Variants in SH3BP2 observed in about 807,000 individuals in gnomAD.
SH3BP2 encodes SH3 domain binding protein 2, also known as SH3 domain-binding protein 2.
Under a neutral mutation model 56.2 loss-of-function variants are expected in SH3BP2, and 38 were observed. That is an observed-to-expected ratio of 0.68 (90% CI 0.52 to 0.89). SH3BP2 has a LOEUF of 0.89. Ranked by LOEUF, SH3BP2 falls within the 40% of genes least tolerant of loss-of-function variation. SH3BP2 has a pLI of 0.00. For missense variants in SH3BP2, 748 were observed against 762.6 expected (o/e 0.98, Z 0.23); for synonymous variants, 346 against 316.7 (o/e 1.09, Z -0.98).
chr4:2,814,200 G>A (rs1233100253), intron 1 of SH3BP2, among the ~76,000 whole-genome samples: 1 of 152,248 alleles, frequency 6.6e-6, no homozygotes, highest in Admixed American at 6.5e-5. Context: ...GACATTAACT[G>A]GGTGTGCAGA....
At chr4:2,818,499 C>T (rs1170541001) in intron 1 of SH3BP2, 20 of 608,874 alleles carry the variant, frequency 3.3e-5, no homozygotes, top group Non-Finnish European at 2.1e-6. Context: ...CCGGGCGCTG[C>T]TGGTCGCCCA....
intron 5 of SH3BP2, among the ~76,000 whole-genome samples, chr4:2,825,640 CCTGT>C (rs1724575313): frequency 6.6e-6 from 1 of 152,242 alleles, no homozygotes; most frequent in Non-Finnish European, 1.5e-5. Context: ...TCTCTCTGCT[CCTGT>C]CTACCTCCAG....
rs898121113 is a variant in SH3BP2 at position 2,839,304 on chromosome 4, G to T, written c.*5470G>T. 1 of 151,194 alleles carries T rather than the reference G, an allele frequency of 6.6e-6. No individual in the cohort carries two copies. Among genetic ancestry groups the T allele is most frequent in the Non-Finnish European group, 1.5e-5 (1 of 67,860 alleles). 9.4% of individuals were successfully genotyped at this position (151,194 alleles called of 1,614,324 possible). A position where few individuals can be genotyped will look rare whatever the true frequency, so the allele number is the denominator to read the frequency against. ...TCACCTCAGCCTCCCAAGTAGCTGG[G>T]ACCACAGGCCCACACCACCAAGCCC... On this transcript the variant is annotated 3_prime_UTR_variant, in exon 13 of 13. Coordinates refer to ENST00000503393, the MANE Select transcript of SH3BP2 (RefSeq NM_001122681.2).
intron 5 of SH3BP2, chr4:2,826,703 TGTGC>T (rs1307588095): frequency 2.8e-6 from 1 of 359,142 alleles, no homozygotes; most frequent in Non-Finnish European, 5.5e-6. Flanking sequence ...TCTGTGTGTG[TGTGC>T]ATGTCCGCAT....
At chr4:2,797,495 G>C (rs556402018) in intron 1 of SH3BP2, among the ~76,000 whole-genome samples, 8 of 152,332 alleles carry the variant, frequency 5.3e-5, no homozygotes, top group Admixed American at 6.5e-5. Context: ...GCTGGCAGGT[G>C]CCCATGGGTA....
chr4:2,824,339 G>C (rs1006338534), intron 3 of SH3BP2, among the ~76,000 whole-genome samples: 10 of 152,164 alleles, frequency 6.6e-5, no homozygotes, highest in Non-Finnish European at 1.5e-4. Context: ...AAGTGGCATT[G>C]GCGGGCATCG....
chr4:2,833,973 T>C lies in SH3BP2; in HGVS notation c.*139T>C, dbSNP rs1725142855. ...TAGGGCCTCTGTGATGGACATCTCG[T>C]AGGACCCAGCCAGTCTCATCCAGCA... On this transcript the variant is annotated 3_prime_UTR_variant, in exon 13 of 13. Transcript: ENST00000503393. 1.9e-6 allele frequency: 2 copies of C among 1,043,106 alleles called. No homozygotes were observed. Among genetic ancestry groups the C allele is most frequent in the East Asian group, 5.2e-5 (2 of 38,188 alleles). 64.6% of individuals were successfully genotyped at this position (1,043,106 alleles called of 1,614,324 possible).
At chr4:2,830,804 A>C (rs1471401256) in intron 8 of SH3BP2, among the ~76,000 whole-genome samples, 1 of 152,228 alleles carries the variant, frequency 6.6e-6, no homozygotes, top group African/African-American at 2.4e-5. Context: ...CAAAGGGTCC[A>C]GGAACTGGAG....
At chr4:2,802,647 ATATATG>A (rs1429513782) in intron 1 of SH3BP2, among the ~76,000 whole-genome samples, 2 of 149,552 alleles carry the variant, frequency 1.3e-5, no homozygotes, top group Admixed American at 1.3e-4. Context: ...GTGTGTATAT[ATATATG>A]TATATGTGTG....
intron 1 of SH3BP2, among the ~76,000 whole-genome samples, chr4:2,813,621 G>T (rs1201811256): frequency 6.6e-6 from 1 of 152,178 alleles, no homozygotes; most frequent in African/African-American, 2.4e-5. Flanking sequence ...TTCAGGACAC[G>T]GAGACACAGA....
rs1427434696 is a variant in SH3BP2 at position 2,802,530 on chromosome 4, GTA to G, written c.-5+9394_-5+9395del. On this transcript the variant is annotated intron_variant, in intron 1 of 12. Transcript: ENST00000503393. ...TTTGTATATATGTGTATATATATAT[GTA>G]TGTGTGTGTGTGTATATATATGTGT... is the stretch of plus-strand genomic sequence containing the variant. Among the ~76,000 whole-genome samples, 52 of 70,708 alleles carry G rather than the reference GTA, an allele frequency of 7.4e-4. 1 individual carries two copies. The highest frequency in any genetic ancestry group is 5.6e-4 in the East Asian group (2 of 3,562). 46.4% of individuals were successfully genotyped at this position (70,708 alleles called of 152,430 possible).
At chr4:2,826,877 A>G (rs1159947313) in intron 5 of SH3BP2, 3 of 493,856 alleles carry the variant, frequency 6.1e-6, no homozygotes, top group Non-Finnish European at 1.2e-5. Context: ...GTGTGTCTAC[A>G]TGTCTGCGCG....
Position 2,824,719 on chromosome 4 carries a change from G to A in SH3BP2, c.346G>A (p.Glu116Lys), listed in dbSNP as rs1400198599. 6.2e-7 allele frequency: 1 copy of A among 1,611,478 alleles called. No homozygotes were observed. The highest frequency in any genetic ancestry group is 8.5e-7 in the Non-Finnish European group (1 of 1,177,954). Residue 116 changes from glutamate (E) to lysine (K), a missense_variant, in exon 4 of 13, where the codon GAG becomes AAG. This residue lies in a region of SH3BP2 where 635 missense variants were observed against 615.0 expected (regional missense o/e 1.03). Transcript: ENST00000503393. ...RTWFFSASSEEERKSWMALLR... is the reference protein window; with the variant it reads ...RTWFFSASSEKERKSWMALLR... The stretch of plus-strand genomic sequence containing the variant: ...GTGGTTCTTCTCGGCCTCCTCCGAG[G>A]AGGAGCGCAAGGTGACTGGGGGTCC...
rs1262362367 is a variant in SH3BP2 at position 2,829,678 on chromosome 4, C to A, written c.772C>A (p.Pro258Thr). Residue 258 changes from proline (P) to threonine (T), a missense_variant, in exon 8 of 13, where the codon CCA becomes ACA. Pro to Thr is a conservative substitution (Grantham distance 38, BLOSUM62 -1). Transcript: ENST00000503393. The surrounding 1 kb of genome is among the most constrained non-coding windows in gnomAD (Gnocchi z 4.9). Reference protein sequence around the residue: ...GLAAEDSKRDPLCPRRAEPCP... With the variant: ...GLAAEDSKRDTLCPRRAEPCP... Reference sequence around the variant, plus strand: ...GGCTGCTGAGGACTCCAAGAGGGACCCACTGTGCCCGAGGCGGGCTGAGCC... The same window carrying A: ...GGCTGCTGAGGACTCCAAGAGGGACACACTGTGCCCGAGGCGGGCTGAGCC... The A allele has an allele frequency of 6.2e-7, 1 of 1,613,172 alleles. No individual in the cohort carries two copies. The highest frequency in any genetic ancestry group is 1.1e-5 in the South Asian group (1 of 91,078).
Position 2,810,277 on chromosome 4 carries a change from G to T in SH3BP2, c.-4-10337G>T, listed in dbSNP as rs1266128895. Among the ~76,000 whole-genome samples, 1 of 151,722 alleles carries T rather than the reference G, an allele frequency of 6.6e-6. No individual in the cohort carries two copies. Among genetic ancestry groups the T allele is most frequent in the Non-Finnish European group, 1.5e-5 (1 of 67,912 alleles). Reference sequence around the variant, plus strand: ...TGTGGATTTGTCCCCCACCCCCAGGGTCCCCTCACCTGGCCTGCTCCTCTC... The same window carrying T: ...TGTGGATTTGTCCCCCACCCCCAGGTTCCCCTCACCTGGCCTGCTCCTCTC... On this transcript the variant is annotated intron_variant, in intron 1 of 12. Coordinates refer to ENST00000503393, the MANE Select transcript of SH3BP2 (RefSeq NM_001122681.2). This position sits in a 1 kb window ranked among gnomAD's most constrained non-coding sequence, Gnocchi z 4.2.
chr4:2,795,534 G>A (rs1311043505), intron 1 of SH3BP2, among the ~76,000 whole-genome samples: 2 of 152,216 alleles, frequency 1.3e-5, no homozygotes, highest in Non-Finnish European at 2.9e-5. Flanking sequence ...TGTGCAGCCT[G>A]GGTGGGTGAG....
intron 1 of SH3BP2, among the ~76,000 whole-genome samples, chr4:2,795,096 C>A (rs140424201): frequency 6.6e-6 from 1 of 152,088 alleles, no homozygotes; most frequent in Non-Finnish European, 1.5e-5. Context: ...TATGAGTGTC[C>A]GTAGGGGGGA....
At chr4:2,814,406 A>G (rs1349459540) in intron 1 of SH3BP2, among the ~76,000 whole-genome samples, 1 of 152,034 alleles carries the variant, frequency 6.6e-6, no homozygotes, top group Admixed American at 6.5e-5. Context: ...ACCTGAACCA[A>G]TTGCAACTTT....
Position 2,834,092 on chromosome 4 carries a change from C to T in SH3BP2, c.*258C>T. ...ACTTGCCCTGTCCCAATCCCAGAAA[C>T]CCAGGACCAAGCTGTGCCTGGGCTC... On this transcript the variant is annotated 3_prime_UTR_variant, in exon 13 of 13. Transcript: ENST00000503393. The T allele has an allele frequency of 1.0e-5, 5 of 494,152 alleles. No individual in the cohort carries two copies. In the South Asian group the frequency reaches 1.4e-4, roughly 14 times the overall value. 30.6% of individuals were successfully genotyped at this position (494,152 alleles called of 1,614,324 possible).
Sources: gnomAD v4.1 joint callset for allele counts (sites outside exome capture counted in the v4.1 genomes callset) on GRCh38, gnomAD v4.1.1 for gene constraint, gnomAD v4.1.1 regional missense constraint, Gnocchi (gnomAD v3.1) non-coding constraint, MANE v1.5 for transcripts, NCBI Gene and HGNC (gene_info 2026-07-23, HGNC 2026-07-21) for gene names.